The following HHAT variants were observed in gnomAD, a reference collection of about 807,000 sequenced individuals.
HHAT encodes protein-cysteine N-palmitoyltransferase HHAT.
HHAT carries 47 observed loss-of-function variants against 70.8 expected under a neutral mutation model. That is an observed-to-expected ratio of 0.66 (90% CI 0.53 to 0.85). The LOEUF is 0.85. Among genes scored for constraint, HHAT ranks in the 40% least tolerant of loss-of-function variants. The pLI is 0.00. For synonymous variants in HHAT, 228 were observed against 247.6 expected, an observed-to-expected ratio of 0.92 and a Z score of 0.74; for missense variants, 609 against 604.8, an observed-to-expected ratio of 1.01 and a Z score of -0.07.
chr1:210,606,661 T>C (rs929014781), intron 10 of HHAT, among the ~76,000 whole-genome samples: 2 of 152,218 alleles, frequency 1.3e-5, no homozygotes, highest in Non-Finnish European at 1.5e-5. Context: ...GTCTTGTTTT[T>C]TCTTTTTCTC....
At chr1:210,601,985 G>GTGTGTA in intron 10 of HHAT, among the ~76,000 whole-genome samples, 1 of 150,314 alleles carries the variant, frequency 6.7e-6, no homozygotes, top group Non-Finnish European at 1.5e-5. Flanking sequence ...GTGTGTGTGT[G>GTGTGTA]TATGTGTGCA....
chr1:210,649,107 A>G (rs1037812075), intron 11 of HHAT, among the ~76,000 whole-genome samples: 3 of 152,172 alleles, frequency 2.0e-5, no homozygotes, highest in Non-Finnish European at 4.4e-5. Context: ...ATACTTAAAG[A>G]GGGTAGAGGG....
intron 8 of HHAT, among the ~76,000 whole-genome samples, chr1:210,489,329 G>A (rs1157102090): frequency 6.6e-6 from 1 of 152,202 alleles, no homozygotes; most frequent in Non-Finnish European, 1.5e-5. Context: ...GAAAGTAACT[G>A]GAGACAGGGC....
chr1:210,469,669 G>A (rs914491735), intron 8 of HHAT, among the ~76,000 whole-genome samples: 6 of 151,954 alleles, frequency 3.9e-5, no homozygotes, highest in Non-Finnish European at 5.9e-5. Context: ...CCATTTGTTC[G>A]TTTGTGGTTT....
intron 8 of HHAT, among the ~76,000 whole-genome samples, chr1:210,495,678 G>A (rs972261411): frequency 6.6e-6 from 1 of 152,028 alleles, no homozygotes; most frequent in African/African-American, 2.4e-5. Flanking sequence ...CCTATTGTAG[G>A]TCATAATCAT....
chr1:210,391,353 G>C (rs1484099286), intron 4 of HHAT, among the ~76,000 whole-genome samples: 1 of 152,142 alleles, frequency 6.6e-6, no homozygotes, highest in Non-Finnish European at 1.5e-5. Context: ...ATAGAATATT[G>C]ATGTTGGCAC....
chr1:210,439,613 G>A (rs903970948), intron 7 of HHAT: 1 of 152,012 alleles, frequency 6.6e-6, no homozygotes, highest in Non-Finnish European at 1.5e-5. Flanking sequence ...TTCTTTTGGA[G>A]TGAAAGCCTT....
At chr1:210,518,018 T>C (rs1280768400) in intron 9 of HHAT, among the ~76,000 whole-genome samples, 3 of 152,200 alleles carry the variant, frequency 2.0e-5, no homozygotes, top group Non-Finnish European at 4.4e-5. Flanking sequence ...CGTTTTGATG[T>C]ATCTATGTTG....
chr1:210,574,694 G>GC (rs1216717512), intron 9 of HHAT, among the ~76,000 whole-genome samples: 1 of 152,236 alleles, frequency 6.6e-6, no homozygotes, highest in Non-Finnish European at 1.5e-5. Flanking sequence ...TGGGCCATGG[G>GC]CCCTGCCTCT....
At chr1:210,460,821 G>A (rs1425915085) in intron 7 of HHAT, among the ~76,000 whole-genome samples, 1 of 152,162 alleles carries the variant, frequency 6.6e-6, no homozygotes, top group Non-Finnish European at 1.5e-5. Context: ...GAAACTATGA[G>A]TCCCCTGAAG....
chr1:210,365,555 T>G (rs571941417), intron 3 of HHAT, among the ~76,000 whole-genome samples: 1 of 152,108 alleles, frequency 6.6e-6, no homozygotes, highest in African/African-American at 2.4e-5. Context: ...CAACCTCAGG[T>G]GATCCACCTG....
intron 10 of HHAT, among the ~76,000 whole-genome samples, chr1:210,609,034 A>G (rs758158098): frequency 3.3e-5 from 5 of 152,206 alleles, no homozygotes; most frequent in Admixed American, 6.5e-5. Flanking sequence ...TCATGTGAGC[A>G]GCATGGGGGA....
intron 9 of HHAT, among the ~76,000 whole-genome samples, chr1:210,572,017 A>G (rs913254413): frequency 1.3e-5 from 2 of 152,206 alleles, no homozygotes; most frequent in East Asian, 3.8e-4. Context: ...AAAAATGCTT[A>G]CCGGCCCATT....
chr1:210,517,961 T>A (rs1362572057), intron 9 of HHAT, among the ~76,000 whole-genome samples: 1 of 152,018 alleles, frequency 6.6e-6, no homozygotes, highest in Admixed American at 6.6e-5. Context: ...ATCATGACTT[T>A]AAAAAAAATT....
At chr1:210,501,631 G>A (rs2094756316) in intron 8 of HHAT, among the ~76,000 whole-genome samples, 1 of 152,114 alleles carries the variant, frequency 6.6e-6, no homozygotes, top group East Asian at 1.9e-4. Flanking sequence ...CCACAGTCCT[G>A]TCCCCAGCTG....
chr1:210,601,465 T>C (rs1398874716), intron 10 of HHAT, among the ~76,000 whole-genome samples: 4 of 152,146 alleles, frequency 2.6e-5, no homozygotes, highest in African/African-American at 9.7e-5. Context: ...TTTCAACAAA[T>C]TGAAATCAAG....
At chr1:210,525,676 A>G (rs909799013) in intron 9 of HHAT, among the ~76,000 whole-genome samples, 5 of 152,222 alleles carry the variant, frequency 3.3e-5, no homozygotes, top group East Asian at 1.9e-4. Flanking sequence ...GAGAATTGAG[A>G]TGCATAATTT....
intron 10 of HHAT, among the ~76,000 whole-genome samples, chr1:210,590,798 G>A (rs1279798854): frequency 6.6e-6 from 1 of 152,004 alleles, no homozygotes. Context: ...GGCCCAGTCA[G>A]GTTTACAAAT....
At chr1:210,484,433 G>T (rs1572757411) in intron 8 of HHAT, among the ~76,000 whole-genome samples, 1 of 151,582 alleles carries the variant, frequency 6.6e-6, no homozygotes, top group African/African-American at 2.4e-5. Context: ...CATTAGAGAT[G>T]TTAATTTTCA....
Sources: gnomAD v4.1 joint callset for allele counts (sites outside exome capture counted in the v4.1 genomes callset) on GRCh38, gnomAD v4.1.1 for gene constraint, MANE v1.5 for transcripts, NCBI Gene and HGNC (gene_info 2026-07-23, HGNC 2026-07-21) for gene names.